The following ZCCHC14 variants were observed in gnomAD, a reference collection of about 807,000 sequenced individuals.
ZCCHC14 encodes zinc finger CCHC domain-containing protein 14.
ZCCHC14 carries 16 observed loss-of-function variants against 85.0 expected under a neutral mutation model. The ratio of observed to expected loss-of-function variants is 0.19; its 90% CI spans 0.13 to 0.29. ZCCHC14 has a LOEUF of 0.29. Ranked by LOEUF, ZCCHC14 falls within the 10% of genes least tolerant of loss-of-function variation. The pLI is 1.00. For synonymous variants in ZCCHC14, 775 were observed against 630.7 expected, an observed-to-expected ratio of 1.23 and a Z score of -3.43; for missense variants, 1,303 against 1,443.5, an observed-to-expected ratio of 0.90 and a Z score of 1.58.
intron 1 of ZCCHC14, among the ~76,000 whole-genome samples, chr16:87,480,982 T>C (rs1912240983): frequency 6.6e-6 from 1 of 152,064 alleles, no homozygotes; most frequent in Admixed American, 6.6e-5. Context: ...CCATGGCACA[T>C]CATGCCAAGA....
chr16:87,476,589 C>G (rs1183310531), intron 1 of ZCCHC14, among the ~76,000 whole-genome samples: 7 of 151,884 alleles, frequency 4.6e-5, no homozygotes, highest in Admixed American at 4.6e-4. Flanking sequence ...CATCTCTAGA[C>G]CAGCCACTAA....
chr16:87,417,704 C>T lies in ZCCHC14; in HGVS notation c.1139G>A (p.Ser380Asn). The change falls in exon 8 of 13, where the codon AGC becomes AAC. Residue 380 changes from serine to asparagine, a missense_variant. Ser to Asn is a conservative substitution (Grantham distance 46, BLOSUM62 1). Transcript: ENST00000671377. ...CGVAGIPSSQ[S>N]GAQHHGQHPA... is the part of the protein sequence containing the mutation. ...GTGCTGCCCGTGGTGCTGGGCTCCG[C>T]TCTGCGAGGACGGGATACCAGCCAC... 1 of 1,607,066 alleles carries T rather than the reference C, an allele frequency of 6.2e-7. No individual in the cohort carries two copies. The highest frequency in any genetic ancestry group is 8.5e-7 in the Non-Finnish European group (1 of 1,177,698).
chr16:87,479,138 T>C (rs900009769), intron 1 of ZCCHC14, among the ~76,000 whole-genome samples: 6 of 152,038 alleles, frequency 3.9e-5, no homozygotes, highest in African/African-American at 1.4e-4. Context: ...AAGGATAGGC[T>C]GGGCGTGGTG....
chr16:87,484,887 G>C (rs1256000643), intron 1 of ZCCHC14, among the ~76,000 whole-genome samples: 1 of 152,100 alleles, frequency 6.6e-6, no homozygotes, highest in Non-Finnish European at 1.5e-5. Flanking sequence ...TTGAAGGAGG[G>C]AGATAGAAAT....
rs1425983002 is a variant in ZCCHC14 at position 87,411,835 on chromosome 16, C to T, written c.2886G>A (p.Leu962=). Reference sequence around the variant, plus strand: ...CGCTGCTGCACATGGGACTGAAGGGCAAGAAGGGGAAGGTGAACACGGACG... The same window carrying T: ...CGCTGCTGCACATGGGACTGAAGGGTAAGAAGGGGAAGGTGAACACGGACG... ...SGPSVFTFPF[L]PFSPMCSSGY... The change falls in exon 12 of 13, where the codon TTG becomes TTA. Residue 962 remains leucine (L), a synonymous_variant. Coordinates refer to ENST00000671377, the MANE Select transcript of ZCCHC14 (RefSeq NM_015144.3). 1.2e-6 allele frequency: 2 copies of T among 1,610,554 alleles called. No homozygotes were observed. The highest frequency in any genetic ancestry group is 1.7e-5 in the Admixed American group (1 of 59,346).
intron 2 of ZCCHC14, among the ~76,000 whole-genome samples, chr16:87,439,700 CTTACAAG>C (rs1290350304): frequency 6.6e-6 from 1 of 152,154 alleles, no homozygotes; most frequent in Non-Finnish European, 1.5e-5. Context: ...ATAAACACAT[CTTACAAG>C]TTACATTAAA....
At chr16:87,445,697 G>A (rs946113822) in intron 2 of ZCCHC14, among the ~76,000 whole-genome samples, 9 of 152,100 alleles carry the variant, frequency 5.9e-5, no homozygotes, top group South Asian at 2.1e-4. Context: ...GTGATGACGC[G>A]CCGACCTGAG....
intron 10 of ZCCHC14, among the ~76,000 whole-genome samples, chr16:87,413,942 A>G (rs1908625948): frequency 1.3e-5 from 2 of 152,244 alleles, no homozygotes. Flanking sequence ...ACTGCCCTCT[A>G]GCTCCTAAGC....
In ZCCHC14 at chr16:87,440,096, T is replaced by C. The variant is rs776179971; in HGVS notation, c.695-6895A>G. On this transcript the variant is annotated intron_variant, in intron 2 of 12. Transcript: ENST00000671377. The stretch of plus-strand genomic sequence containing the variant: ...AGCCAAGACTACAGGTGAAAGCCGC[T>C]GTGCCCGGCCTAACATGCACTTTGA... Among the ~76,000 whole-genome samples the C allele has an allele frequency of 3.2e-4, 48 of 152,198 alleles. 1 individual carries two copies. Among genetic ancestry groups the C allele is most frequent in the South Asian group, 1.2e-3 (6 of 4,836 alleles).
At chr16:87,423,285 T>C (rs1298786458) in intron 4 of ZCCHC14, among the ~76,000 whole-genome samples, 1 of 152,156 alleles carries the variant, frequency 6.6e-6, no homozygotes. Flanking sequence ...AAGATAAACG[T>C]GGGAGGACCA....
At position 87,458,465 on chromosome 16, in the gene ZCCHC14, C is replaced by T. The variant is rs1911084930; in HGVS notation, c.694+1543G>A. 2.6e-5 allele frequency among the ~76,000 whole-genome samples: 4 copies of T among 152,280 alleles called. No individual in the cohort carries two copies. The South Asian group carries it at 6.2e-4, about 24-fold the overall frequency. Reference sequence around the variant, plus strand: ...CTGTTGCGACCTCAGGGGGTTGCTACGAGGGTCAAGTGGGGACAGGAGCCC... The same window carrying T: ...CTGTTGCGACCTCAGGGGGTTGCTATGAGGGTCAAGTGGGGACAGGAGCCC... On this transcript the variant is annotated intron_variant, in intron 2 of 12. Transcript: ENST00000671377.
chr16:87,454,433 C>G (rs1454971045), intron 2 of ZCCHC14, among the ~76,000 whole-genome samples: 1 of 152,168 alleles, frequency 6.6e-6, no homozygotes, highest in Non-Finnish European at 1.5e-5. Context: ...GACAGAAATG[C>G]TAGAGGACTT....
chr16:87,489,599 G>A (rs1912660171), intron 1 of ZCCHC14, among the ~76,000 whole-genome samples: 1 of 152,126 alleles, frequency 6.6e-6, no homozygotes, highest in African/African-American at 2.4e-5. Context: ...ACTGCAACAG[G>A]GACAACACTG....
intron 3 of ZCCHC14, among the ~76,000 whole-genome samples, chr16:87,432,572 G>A (rs999734605): frequency 2.0e-5 from 3 of 152,214 alleles, no homozygotes; most frequent in East Asian, 1.9e-4. Flanking sequence ...GGGGTACAGC[G>A]TCCAGGGAAC....
intron 1 of ZCCHC14, among the ~76,000 whole-genome samples, chr16:87,462,050 T>G (rs886320554): frequency 2.7e-5 from 4 of 150,482 alleles, no homozygotes; most frequent in African/African-American, 9.8e-5. Flanking sequence ...GGAGGACTGC[T>G]TGAAACTATG....
intron 10 of ZCCHC14, among the ~76,000 whole-genome samples, chr16:87,413,895 G>GGC (rs1409044749): frequency 6.6e-6 from 1 of 152,156 alleles, no homozygotes; most frequent in African/African-American, 2.4e-5. Flanking sequence ...GCAGTTTCTG[G>GGC]ACCTGATCAT....
chr16:87,423,539 C>A (rs184783590), intron 4 of ZCCHC14, among the ~76,000 whole-genome samples: 11 of 152,324 alleles, frequency 7.2e-5, no homozygotes, highest in African/African-American at 2.2e-4. Context: ...AACCAAATGT[C>A]CTCATCAGTC....
In ZCCHC14 at chr16:87,491,794, G is replaced by C; in HGVS notation, c.445C>G (p.Gln149Glu). ...AGCTCCTGGCGCAGCACCTGCTTCT[G>C]GTGGAAGCTGAAGGCCGGGTGGTTG... ...ASNHPAFSFH[Q>E]KQVLRQELTQ... is the part of the protein sequence containing the mutation. Residue 149 changes from glutamine (Q) to glutamate (E), a missense_variant, in exon 1 of 13, where the codon CAG (glutamine) becomes GAG (glutamate). Gln to Glu is a conservative substitution (Grantham distance 29). Around this residue, in one of 7 missense-constraint regions of ZCCHC14, gnomAD observed 389 missense variants for 397.8 expected, o/e 0.98. Coordinates refer to ENST00000671377, the MANE Select transcript of ZCCHC14 (RefSeq NM_015144.3). The surrounding 1 kb of genome is among the most constrained non-coding windows in gnomAD (Gnocchi z 5.9). 2.5e-6 allele frequency: 4 copies of C among 1,588,582 alleles called. No individual in the cohort carries two copies. The highest frequency in any genetic ancestry group is 3.4e-6 in the Non-Finnish European group (4 of 1,171,060).
rs749324838 is a variant in ZCCHC14, at chr16:87,413,153, C to T, written c.1646G>A (p.Arg549Gln). ...EVEQPHHQLPREGSSSEYSSS... is the reference protein window; with the variant it reads ...EVEQPHHQLPQEGSSSEYSSS... Reference sequence around the variant, plus strand: ...GGAGTACTCCGAGGAACTGCCTTCCCGGGGCAGCTGGTGATGGGGCTGCTC... The same window carrying T: ...GGAGTACTCCGAGGAACTGCCTTCCTGGGGCAGCTGGTGATGGGGCTGCTC... Residue 549 changes from arginine (R) to glutamine (Q), a missense_variant, in exon 11 of 13, where the codon CGG (arginine) becomes CAG (glutamine). By Grantham distance (43) the Arg-to-Gln change is conservative. Around this residue, in one of 7 missense-constraint regions of ZCCHC14, gnomAD observed 797 missense variants for 730.8 expected, o/e 1.09. Coordinates refer to ENST00000671377, the MANE Select transcript of ZCCHC14 (RefSeq NM_015144.3). 19 of 1,603,700 alleles carry T rather than the reference C, an allele frequency of 1.2e-5. No homozygotes were observed. Among genetic ancestry groups the T allele is most frequent in the African/African-American group, 2.7e-5 (2 of 74,758 alleles).
Sources: gnomAD v4.1 joint callset for allele counts (sites outside exome capture counted in the v4.1 genomes callset) on GRCh38, gnomAD v4.1.1 for gene constraint, gnomAD v4.1.1 regional missense constraint, Gnocchi (gnomAD v3.1) non-coding constraint, MANE v1.5 for transcripts, NCBI Gene and HGNC (gene_info 2026-07-23, HGNC 2026-07-21) for gene names.